The following OXR1 variants were observed in gnomAD, a reference collection of about 807,000 sequenced individuals.
OXR1 encodes oxidation resistance protein 1.
A neutral mutation model predicts 104.6 loss-of-function variants in OXR1; 41 were observed. That is an observed-to-expected ratio of 0.39 (90% CI 0.31 to 0.51). The LOEUF is 0.51. Among genes scored for constraint, OXR1 ranks in the 20% least tolerant of loss-of-function variants. The pLI, the probability that OXR1 is intolerant of heterozygous loss-of-function variation, is 0.77. For synonymous variants in OXR1, 348 were observed against 348.4 expected (o/e 1.00, Z 0.01); for missense variants, 955 against 1,031.9 (o/e 0.93, Z 1.02).
At chr8:106,508,235 A>G (rs1812294912) in intron 2 of OXR1, among the ~76,000 whole-genome samples, 1 of 152,252 alleles carries the variant, frequency 6.6e-6, no homozygotes, top group Non-Finnish European at 1.5e-5. Context: ...GAAGAGGATC[A>G]TGTTCTCTTC....
intron 3 of OXR1, chr8:106,618,147 G>C: frequency 2.6e-6 from 4 of 1,536,070 alleles, no homozygotes; most frequent in Non-Finnish European, 3.5e-6. Context: ...AGCAAGGTTC[G>C]AAGGAAGGAC....
chr8:106,637,945 T>C (rs980814093), intron 3 of OXR1, among the ~76,000 whole-genome samples: 1 of 152,058 alleles, frequency 6.6e-6, no homozygotes, highest in Admixed American at 6.6e-5. Context: ...GTATTTTTTT[T>C]TAGTAGAGAC....
intron 3 of OXR1, chr8:106,581,277 T>C (rs1020006389): frequency 1.6e-6 from 2 of 1,276,022 alleles, no homozygotes; most frequent in African/African-American, 1.5e-5. Context: ...CATGCCTTTC[T>C]ATTTTTTTTT....
chr8:106,563,100 G>A (rs757036791), intron 3 of OXR1, among the ~76,000 whole-genome samples: 1 of 152,070 alleles, frequency 6.6e-6, no homozygotes, highest in Non-Finnish European at 1.5e-5. Flanking sequence ...CATAATGACA[G>A]GATCAAATTC....
At chr8:106,511,174 T>A (rs1812500091) in intron 2 of OXR1, among the ~76,000 whole-genome samples, 2 of 152,228 alleles carry the variant, frequency 1.3e-5, no homozygotes, top group South Asian at 4.1e-4. Context: ...TTGCTGATTT[T>A]ATGGTTTGTT....
intron 3 of OXR1, among the ~76,000 whole-genome samples, chr8:106,630,318 A>G (rs370341174): frequency 2.0e-5 from 3 of 152,298 alleles, no homozygotes; most frequent in African/African-American, 4.8e-5. Flanking sequence ...AACTCATTCA[A>G]TCTCTGAACA....
intron 10 of OXR1, 120 bp downstream of exon 10, chr8:106,710,910 A>G (rs1225987564): frequency 1.6e-6 from 1 of 644,822 alleles, no homozygotes; most frequent in Non-Finnish European, 2.3e-6. Flanking sequence ...AAAGCAGACA[A>G]TAAGTCTATT....
intron 3 of OXR1, among the ~76,000 whole-genome samples, chr8:106,582,753 GC>G (rs1818345076): frequency 6.6e-6 from 1 of 152,078 alleles, no homozygotes; most frequent in African/African-American, 2.4e-5. Context: ...CACTTGACAA[GC>G]AGGCTTATTT....
At chr8:106,296,139 C>T (rs1193876875) in intron 1 of OXR1, among the ~76,000 whole-genome samples, 2 of 152,204 alleles carry the variant, frequency 1.3e-5, no homozygotes, top group Non-Finnish European at 2.9e-5. Context: ...TTGTCCCAAC[C>T]TGCAGTTCTT....
chr8:106,278,439 T>TG (rs1488389546), intron 1 of OXR1, among the ~76,000 whole-genome samples: 3 of 152,080 alleles, frequency 2.0e-5, no homozygotes, highest in African/African-American at 7.2e-5. Context: ...GCTACTAAGA[T>TG]TTATGTACAA....
At chr8:106,684,600 T>A (rs1828508658) in intron 6 of OXR1, among the ~76,000 whole-genome samples, 1 of 152,190 alleles carries the variant, frequency 6.6e-6, no homozygotes, top group Non-Finnish European at 1.5e-5. Flanking sequence ...CAACTCTTAT[T>A]TTTTAAAGAA....
chr8:106,435,570 C>T (rs2130574404), intron 2 of OXR1, among the ~76,000 whole-genome samples: 1 of 152,206 alleles, frequency 6.6e-6, no homozygotes, highest in South Asian at 2.1e-4. Flanking sequence ...ACATCGGGGA[C>T]TTCTGAATAT....
intron 2 of OXR1, among the ~76,000 whole-genome samples, chr8:106,472,792 T>G (rs1821587624): frequency 6.6e-6 from 1 of 151,882 alleles, no homozygotes; most frequent in African/African-American, 2.4e-5. Flanking sequence ...GGAATTTCTC[T>G]TTGTTAAGCC....
At chr8:106,516,475 A>G (rs746817173) in intron 2 of OXR1, among the ~76,000 whole-genome samples, 12 of 152,134 alleles carry the variant, frequency 7.9e-5, no homozygotes, top group Non-Finnish European at 1.2e-4. Context: ...GAGAGTAGCC[A>G]TTCCAGGAAT....
At chr8:106,318,438 T>A (rs1814068890) in intron 1 of OXR1, among the ~76,000 whole-genome samples, 1 of 152,216 alleles carries the variant, frequency 6.6e-6, no homozygotes, top group Non-Finnish European at 1.5e-5. Context: ...TTTTTTTGTA[T>A]GGTATTCAAG....
rs71562108 is a variant in OXR1 at position 106,582,177 on chromosome 8, C to CATATATATAT, written c.220+63055_220+63064dup. ...AGCAAGACAGATTTTTTTCTATTGA[C>CATATATATAT]ATATATATATATATATATATATATA... is the stretch of plus-strand genomic sequence containing the variant. On this transcript the variant is annotated intron_variant, in intron 3 of 16. Coordinates refer to ENST00000517566, the MANE Select transcript of OXR1 (RefSeq NM_001198533.2). 5.2e-3 allele frequency among the ~76,000 whole-genome samples: 624 copies of CATATATATAT among 119,276 alleles called. 12 individuals carry two copies. The highest frequency in any genetic ancestry group is 0.02 in the African/African-American group (528 of 25,916). 78.2% of individuals were successfully genotyped at this position (119,276 alleles called of 152,430 possible). A position where few individuals can be genotyped will look rare whatever the true frequency, so the allele number is the denominator to read the frequency against.
chr8:106,662,431 T>C (rs13255878), intron 3 of OXR1, among the ~76,000 whole-genome samples: 18,732 of 152,270 alleles, frequency 0.12, 1,440 homozygotes, highest in East Asian at 0.33. Context: ...GTACTGAATG[T>C]ATGTAACTGA....
At chr8:106,284,508 C>T (rs991201055) in intron 1 of OXR1, among the ~76,000 whole-genome samples, 2 of 152,106 alleles carry the variant, frequency 1.3e-5, no homozygotes, top group Non-Finnish European at 2.9e-5. Context: ...ATAATGATAT[C>T]TATTTTCCAA....
chr8:106,432,140 A>T (rs535089321), intron 2 of OXR1, among the ~76,000 whole-genome samples: 1 of 152,136 alleles, frequency 6.6e-6, no homozygotes, highest in Non-Finnish European at 1.5e-5. Flanking sequence ...CTACTTCCCT[A>T]GTGCATCCCC....
Sources: gnomAD v4.1 joint callset for allele counts (sites outside exome capture counted in the v4.1 genomes callset) on GRCh38, gnomAD v4.1.1 for gene constraint, MANE v1.5 for transcripts, NCBI Gene and HGNC (gene_info 2026-07-23, HGNC 2026-07-21) for gene names.